Variants in PRPF6 observed in about 807,000 individuals in gnomAD.
PRPF6 encodes pre-mRNA processing factor 6.
In PRPF6, 42 loss-of-function variants were observed where a neutral mutation model predicts 118.3. That is an observed-to-expected ratio of 0.35 (90% confidence interval 0.28 to 0.46). PRPF6 has a LOEUF of 0.46. PRPF6 is among the 20% of genes least tolerant of loss of function. The pLI, the probability that PRPF6 is intolerant of heterozygous loss-of-function variation, is 1.00. For synonymous variants in PRPF6, 481 were observed against 485.1 expected, an observed-to-expected ratio of 0.99 and a Z score of 0.11; for missense variants, 662 against 1,255.7, an observed-to-expected ratio of 0.53 and a Z score of 7.15.
intron 9 of PRPF6, among the ~76,000 whole-genome samples, chr20:64,004,182 T>C (rs1315737816): frequency 6.6e-6 from 1 of 152,188 alleles, no homozygotes; most frequent in Non-Finnish European, 1.5e-5. Flanking sequence ...GAGTATGCTG[T>C]TGGAGGCGGG....
chr20:64,025,469 CTCCACATG>C lies in PRPF6; in HGVS notation c.1909-467_1909-460del, dbSNP rs367584625. ...AGCTTCCGTGGCTTGTGGACGCCTTCTCCACATGTCAGTGGCACCCTGGGAGTCCTCTC... is the reference window on the plus strand; with the variant it reads ...AGCTTCCGTGGCTTGTGGACGCCTTCTCAGTGGCACCCTGGGAGTCCTCTC... On this transcript the variant is annotated intron_variant, in intron 14 of 20. Transcript: ENST00000266079. Among the ~76,000 whole-genome samples the C allele has an allele frequency of 4.5e-3, 680 of 152,366 alleles. 6 individuals are homozygous for C. Among genetic ancestry groups the C allele is most frequent in the African/African-American group, 0.016 (653 of 41,582 alleles).
At chr20:64,031,815 C>A in intron 19 of PRPF6, 103 bp from the exon 20 acceptor site, 1 of 1,518,662 alleles carries the variant, frequency 6.6e-7, no homozygotes, top group Non-Finnish European at 9.1e-7. Context: ...AGCACCAGGG[C>A]TGCGGGTCAG....
chr20:63,995,358 G>T lies in PRPF6; in HGVS notation c.647G>T (p.Gly216Val). ...QFGGLNTPYP[G>V]GLNTPYPGGM... is the part of the protein sequence containing the mutation. ...GGAGGTCTTAACACACCCTATCCAGGTGGACTAAACACTCCATACCCAGGT... is the reference window on the plus strand; with the variant it reads ...GGAGGTCTTAACACACCCTATCCAGTTGGACTAAACACTCCATACCCAGGT... The change falls in exon 6 of 21, where the codon GGT (glycine) becomes GTT (valine). Residue 216 changes from glycine (G) to valine (V), a missense_variant. Coordinates refer to ENST00000266079, the MANE Select transcript of PRPF6 (RefSeq NM_012469.4). The T allele has an allele frequency of 1.2e-6, 2 of 1,613,666 alleles. No individual in the cohort carries two copies. Among genetic ancestry groups the T allele is most frequent in the Non-Finnish European group, 1.7e-6 (2 of 1,179,832 alleles).
At chr20:63,981,650 C>CCTCGCCCG (rs2059068663) in intron 1 of PRPF6, among the ~76,000 whole-genome samples, 1 of 145,278 alleles carries the variant, frequency 6.9e-6, no homozygotes, top group African/African-American at 2.5e-5. Context: ...CACTCCCCCC[C>CCTCGCCCG]CCCGCCCGCC....
chr20:64,014,669 T>A (rs1457763818), intron 11 of PRPF6, among the ~76,000 whole-genome samples: 2 of 151,914 alleles, frequency 1.3e-5, no homozygotes, highest in Non-Finnish European at 2.9e-5. Flanking sequence ...AAAAAATAAA[T>A]AAAATAAAAT....
chr20:64,032,714 C>T, intron 20 of PRPF6, 127 bp from the exon 21 acceptor site: 5 of 1,234,940 alleles, frequency 4.0e-6, no homozygotes, highest in Non-Finnish European at 4.6e-6. Context: ...AGGGCCTGTG[C>T]CCTCTGGCCC....
intron 1 of PRPF6, among the ~76,000 whole-genome samples, chr20:63,982,712 C>T (rs2059076685): frequency 6.6e-6 from 1 of 152,114 alleles, no homozygotes; most frequent in Non-Finnish European, 1.5e-5. Flanking sequence ...CAGCTGTTAT[C>T]AGCTGAAACC....
chr20:64,006,566 C>G (rs189939073), intron 9 of PRPF6, among the ~76,000 whole-genome samples: 2 of 152,088 alleles, frequency 1.3e-5, no homozygotes, highest in Non-Finnish European at 1.5e-5. Context: ...ATGATCCACC[C>G]GCTTCAGCTT....
chr20:63,984,319 G>A (rs910018887), intron 2 of PRPF6, among the ~76,000 whole-genome samples: 1 of 152,050 alleles, frequency 6.6e-6, no homozygotes, highest in African/African-American at 2.4e-5. Context: ...TACTCGGGAG[G>A]CTGAGGCAGA....
At chr20:64,001,945 CAG>C (rs898420005) in intron 9 of PRPF6, among the ~76,000 whole-genome samples, 5 of 150,398 alleles carry the variant, frequency 3.3e-5, no homozygotes, top group East Asian at 1.9e-4. Flanking sequence ...GAGTGCTAGT[CAG>C]GGGGCTGTTC....
intron 12 of PRPF6, among the ~76,000 whole-genome samples, chr20:64,020,104 C>T (rs1479071911): frequency 6.6e-6 from 1 of 152,218 alleles, no homozygotes; most frequent in Non-Finnish European, 1.5e-5. Context: ...CAGCAACAAA[C>T]TCCTTCTTGG....
At chr20:64,020,987 A>T (rs917385515) in intron 12 of PRPF6, among the ~76,000 whole-genome samples, 1 of 152,204 alleles carries the variant, frequency 6.6e-6, no homozygotes, top group Non-Finnish European at 1.5e-5. Context: ...GGGTTTTACC[A>T]TGTTGGTCAG....
intron 19 of PRPF6, among the ~76,000 whole-genome samples, chr20:64,031,685 A>AC (rs1159958443): frequency 1.3e-5 from 2 of 150,056 alleles, no homozygotes; most frequent in African/African-American, 5.0e-5. Context: ...AAAAAAAAAA[A>AC]AAAAAACAAC....
At chr20:64,001,934 C>G (rs1004004411) in intron 9 of PRPF6, among the ~76,000 whole-genome samples, 2 of 150,896 alleles carry the variant, frequency 1.3e-5, no homozygotes, top group Non-Finnish European at 2.9e-5. Flanking sequence ...GGGTCCAGAA[C>G]GAGTGCTAGT....
rs2059294363 is a variant in PRPF6, at chr20:64,027,057, C to T, written c.2104C>T (p.Leu702=). 1.9e-6 allele frequency: 3 copies of T among 1,613,908 alleles called. No individual in the cohort carries two copies. Among genetic ancestry groups the T allele is most frequent in the Non-Finnish European group, 2.5e-6 (3 of 1,180,022 alleles). Reference sequence around the variant, plus strand: ...AGCCCAAGATCTGTGCGAGGAGGCCCTGCGGCACTATGAGGACTTCCCCAA... The same window carrying T: ...AGCCCAAGATCTGTGCGAGGAGGCCTTGCGGCACTATGAGGACTTCCCCAA... ...RAAQDLCEEA[L]RHYEDFPKLW... The change falls in exon 16 of 21, where the codon CTG becomes TTG. Residue 702 remains leucine, a synonymous_variant. Transcript: ENST00000266079. The surrounding 1 kb of genome is among the most constrained non-coding windows in gnomAD (Gnocchi z 6.5).
Position 64,027,861 on chromosome 20 carries a change from G to T in PRPF6, c.2339+125G>T. On this transcript the variant is annotated intron_variant, in intron 17 of 20. Transcript: ENST00000266079. This position sits in a 1 kb window ranked among gnomAD's most constrained non-coding sequence, Gnocchi z 6.5. ...TCCAGGCTCAGGGGCTTGGGGGGCG[G>T]TAGGTGCTGGCCATGAAAAATCACG... The T allele has an allele frequency of 2.2e-6, 3 of 1,381,804 alleles. No individual in the cohort carries two copies. Among genetic ancestry groups the T allele is most frequent in the Non-Finnish European group, 3.1e-6 (3 of 975,522 alleles). 85.6% of individuals were successfully genotyped at this position (1,381,804 alleles called of 1,614,324 possible). A position where few individuals can be genotyped will look rare whatever the true frequency, so the allele number is the denominator to read the frequency against.
At chr20:63,994,007 C>T (rs1452138117) in intron 4 of PRPF6, among the ~76,000 whole-genome samples, 2 of 152,122 alleles carry the variant, frequency 1.3e-5, no homozygotes, top group African/African-American at 4.8e-5. Context: ...ACCTCAGCCT[C>T]CCAAAGGGCT....
intron 3 of PRPF6, among the ~76,000 whole-genome samples, chr20:63,990,735 C>T (rs2122991996): frequency 6.6e-6 from 1 of 152,066 alleles, no homozygotes; most frequent in African/African-American, 2.4e-5. Context: ...ACCTCCGCCT[C>T]CAGGGTTCAA....
At chr20:64,006,201 T>G (rs1252039548) in intron 9 of PRPF6, among the ~76,000 whole-genome samples, 2 of 152,240 alleles carry the variant, frequency 1.3e-5, no homozygotes, top group South Asian at 2.1e-4. Context: ...TCAGTCTCGC[T>G]TTGGGAGTCA....
Sources: allele counts gnomAD v4.1 joint callset (sites outside exome capture counted in the v4.1 genomes callset), GRCh38; gene constraint gnomAD v4.1.1; non-coding constraint Gnocchi (gnomAD v3.1); transcripts MANE v1.5; gene names NCBI Gene and HGNC (gene_info 2026-07-23, HGNC 2026-07-21).